CRNKL1: variants seen among roughly 807,000 people sequenced by gnomAD.
CRNKL1 encodes crooked neck-like protein 1.
Under a neutral mutation model 103.7 loss-of-function variants are expected in CRNKL1, and 35 were observed. The observed-to-expected ratio is 0.34, with a 90% CI of 0.26 to 0.45. CRNKL1 has a LOEUF of 0.45. CRNKL1 is among the 20% of genes least tolerant of loss of function. The pLI is 1.00. For synonymous variants in CRNKL1, 267 were observed against 282.6 expected, an observed-to-expected ratio of 0.94 and a Z score of 0.55; for missense variants, 645 against 836.0, an observed-to-expected ratio of 0.77 and a Z score of 2.82.
Position 20,034,936 on chromosome 20 carries a change from G to A in CRNKL1, c.*1259C>T, listed in dbSNP as rs577063405. The stretch of plus-strand genomic sequence containing the variant: ...AGGGGAAAACAACCTTAAAAATACA[G>A]TTCTAGTCCTTGGGCAGTGAACAAA... On this transcript the variant is annotated 3_prime_UTR_variant, in exon 14 of 14. Transcript: ENST00000536226. 3 of 152,332 alleles carry A rather than the reference G, an allele frequency of 2.0e-5. No homozygotes were observed. The South Asian group carries it at 6.2e-4, about 32-fold the overall frequency. The allele number at this position is 152,332 out of a possible 1,614,324, so 9.4% of individuals were successfully genotyped here.
chr20:20,038,852 G>C (rs2043465212), intron 11 of CRNKL1, among the ~76,000 whole-genome samples: 1 of 152,204 alleles, frequency 6.6e-6, no homozygotes, highest in Non-Finnish European at 1.5e-5. Flanking sequence ...TTGTTATTAT[G>C]AGAGTTCAGT....
Position 20,038,432 on chromosome 20 carries a change from T to C in CRNKL1, c.1564A>G (p.Ile522Val). The change falls in exon 12 of 14, where the codon ATT becomes GTT. Residue 522 changes from isoleucine to valine, a missense_variant. By Grantham distance (29) the Ile-to-Val change is conservative. Transcript: ENST00000536226. Reference protein sequence around the residue: ...DMPEVLWKSYIDFEIEQEETE... With the variant: ...DMPEVLWKSYVDFEIEQEETE... ...TCTTCCTGCTCAATTTCAAAATCAA[T>C]ATATGATTTCCAAAGCACCTAAGGA... The C allele has an allele frequency of 6.4e-7, 1 of 1,550,644 alleles. No homozygotes were observed. Among genetic ancestry groups the C allele is most frequent in the Non-Finnish European group, 8.7e-7 (1 of 1,145,904 alleles).
intron 9 of CRNKL1, among the ~76,000 whole-genome samples, chr20:20,041,323 C>T (rs1430460605): frequency 6.6e-6 from 1 of 152,230 alleles, no homozygotes; most frequent in African/African-American, 2.4e-5. Flanking sequence ...TCCTTCCACT[C>T]AGACTATTCA....
chr20:20,052,859 A>G (rs1201638929), upstream of CRNKL1: 5 of 794,900 alleles, frequency 6.3e-6, no homozygotes, highest in African/African-American at 1.7e-5. Flanking sequence ...CGAGCATTGC[A>G]TTCTAGTAGT....
intron 9 of CRNKL1, among the ~76,000 whole-genome samples, chr20:20,041,092 T>C (rs1003966085): frequency 2.6e-5 from 4 of 152,238 alleles, no homozygotes; most frequent in Non-Finnish European, 2.9e-5. Flanking sequence ...TGCTTGTATA[T>C]GGGCAGAATG....
At chr20:20,046,041 C>A (rs1330744258) in intron 5 of CRNKL1, among the ~76,000 whole-genome samples, 2 of 152,162 alleles carry the variant, frequency 1.3e-5, no homozygotes, top group African/African-American at 4.8e-5. Context: ...AAACTGTTAA[C>A]TAGAGTCAAA....
At chr20:20,037,120 C>T (rs1204780650) in intron 13 of CRNKL1, among the ~76,000 whole-genome samples, 1 of 152,202 alleles carries the variant, frequency 6.6e-6, no homozygotes, top group Non-Finnish European at 1.5e-5. Flanking sequence ...CCTTTGCCAA[C>T]CCCTTCCCGT....
chr20:20,043,846 T>A (rs1349707242), intron 6 of CRNKL1, among the ~76,000 whole-genome samples, 184 bp from the exon 7 acceptor site: 1 of 152,118 alleles, frequency 6.6e-6, no homozygotes, highest in East Asian at 1.9e-4. Context: ...GGTACTCTGC[T>A]TTGAGCTCCA....
chr20:20,050,124 A>C (rs1337285749), intron 2 of CRNKL1, among the ~76,000 whole-genome samples: 1 of 152,178 alleles, frequency 6.6e-6, no homozygotes, highest in Non-Finnish European at 1.5e-5. Flanking sequence ...GCCAGATCTC[A>C]ATTCTTAACA....
At chr20:20,046,000 ATAAT>A (rs1324877964) in intron 5 of CRNKL1, among the ~76,000 whole-genome samples, 4 of 152,246 alleles carry the variant, frequency 2.6e-5, no homozygotes, top group Admixed American at 2.0e-4. Flanking sequence ...ACTTGAACTA[ATAAT>A]TAAGAAAAAA....
chr20:20,047,007 C>T (rs2043603662), intron 5 of CRNKL1, among the ~76,000 whole-genome samples: 1 of 152,188 alleles, frequency 6.6e-6, no homozygotes, highest in Non-Finnish European at 1.5e-5. Context: ...TTCGCAACAG[C>T]CCAACAAAGG....
At chr20:20,051,837 AG>A (rs1203388406) in intron 1 of CRNKL1, among the ~76,000 whole-genome samples, 1 of 152,184 alleles carries the variant, frequency 6.6e-6, no homozygotes, top group African/African-American at 2.4e-5. Flanking sequence ...TCAGCCTTCA[AG>A]TCTCAGCTTA....
intron 10 of CRNKL1, among the ~76,000 whole-genome samples, 171 bp from the exon 11 acceptor site, chr20:20,040,019 G>C (rs1272295137): frequency 1.1e-4 from 17 of 152,182 alleles, no homozygotes; most frequent in Admixed American, 1.1e-3. Flanking sequence ...TTGACAAAAG[G>C]CTGAAGGAAA....
chr20:20,040,830 A>T, intron 9 of CRNKL1, 64 bp from the exon 10 acceptor site: 1 of 1,108,272 alleles, frequency 9.0e-7, no homozygotes, highest in Non-Finnish European at 1.3e-6. Context: ...TTGAATTAAA[A>T]TTAATTTAAA....
upstream of CRNKL1, chr20:20,052,553 G>A (rs2146512332): frequency 1.2e-6 from 2 of 1,614,146 alleles, no homozygotes; most frequent in Admixed American, 3.3e-5. Context: ...CCTCCTTGCG[G>A]CAGCGCGTGG....
intron 5 of CRNKL1, among the ~76,000 whole-genome samples, chr20:20,045,994 G>A (rs1330690510): frequency 6.6e-6 from 1 of 152,042 alleles, no homozygotes; most frequent in East Asian, 1.9e-4. Context: ...ATGAATACTT[G>A]AACTAATAAT....
upstream of CRNKL1, among the ~76,000 whole-genome samples, chr20:20,053,851 G>A (rs6046575): frequency 0.14 from 21,521 of 152,072 alleles, 1,664 homozygotes; most frequent in East Asian, 0.22. Context: ...ATGTGTTACT[G>A]TAAACAATTG....
chr20:20,052,233 G>C (rs1053925392), intron 1 of CRNKL1, 59 bp downstream of exon 1: 1 of 1,465,734 alleles, frequency 6.8e-7, no homozygotes, highest in African/African-American at 1.4e-5. Flanking sequence ...GGCACCCTCA[G>C]GGCTGAGGGA....
intron 13 of CRNKL1, 22 bp downstream of exon 13, chr20:20,037,301 A>G (rs770973700): frequency 2.0e-5 from 32 of 1,604,248 alleles, no homozygotes; most frequent in Non-Finnish European, 2.3e-5. Context: ...TGAGATGAAC[A>G]GTCCCAGGGC....
Sources: gnomAD v4.1 joint callset for allele counts (sites outside exome capture counted in the v4.1 genomes callset) on GRCh38, gnomAD v4.1.1 for gene constraint, MANE v1.5 for transcripts, NCBI Gene and HGNC (gene_info 2026-07-23, HGNC 2026-07-21) for gene names.